Variants in ALDH5A1 observed in about 807,000 individuals in gnomAD.
ALDH5A1 encodes aldehyde dehydrogenase 5 family member A1, also known as succinate-semialdehyde dehydrogenase, mitochondrial.
In ALDH5A1, 33 loss-of-function variants were observed where a neutral mutation model predicts 54.7. That is an observed-to-expected ratio of 0.60 (90% CI 0.46 to 0.81). ALDH5A1 has a LOEUF of 0.81. Ranked by LOEUF, ALDH5A1 falls within the 30% of genes least tolerant of loss-of-function variation. The pLI, the probability that ALDH5A1 is intolerant of heterozygous loss-of-function variation, is 0.00. For missense variants in ALDH5A1, 657 were observed against 711.0 expected (o/e 0.92, Z 0.86); for synonymous variants, 294 against 292.7 (o/e 1.00, Z -0.05).
At chr6:24,498,962 T>C (rs929517330) in intron 1 of ALDH5A1, among the ~76,000 whole-genome samples, 1 of 151,482 alleles carries the variant, frequency 6.6e-6, no homozygotes, top group African/African-American at 2.4e-5. Flanking sequence ...CAGCTGGGCG[T>C]GGTGGTGGGC....
chr6:24,516,999 C>T (rs1759587672), intron 5 of ALDH5A1, among the ~76,000 whole-genome samples: 1 of 152,036 alleles, frequency 6.6e-6, no homozygotes, highest in Non-Finnish European at 1.5e-5. Context: ...CCATGAGAAG[C>T]AGGAGGGAAT....
chr6:24,528,122 G>A lies in ALDH5A1; in HGVS notation c.1299G>A (p.Leu433=). The part of the protein sequence containing the change: ...TLLCNVTQDM[L]CTHEETFGPL... ...TGTGCAATGTCACCCAGGACATGCT[G>A]TGCACTCATGAAGAGACTTTCGGGC... The change falls in exon 8 of 10, where the codon CTG becomes CTA. Residue 433 remains leucine (L), a synonymous_variant. Coordinates refer to ENST00000357578, the MANE Select transcript of ALDH5A1 (RefSeq NM_001080.3). 7 of 1,614,032 alleles carry A rather than the reference G, an allele frequency of 4.3e-6. No homozygotes were observed. The highest frequency in any genetic ancestry group is 5.9e-6 in the Non-Finnish European group (7 of 1,179,950).
intron 1 of ALDH5A1, among the ~76,000 whole-genome samples, chr6:24,498,774 T>G (rs1467251845): frequency 1.3e-5 from 2 of 151,792 alleles, no homozygotes; most frequent in Non-Finnish European, 2.9e-5. Context: ...GACCAGCCTG[T>G]CCAACATGGT....
chr6:24,502,202 T>C (rs146990766), intron 1 of ALDH5A1, among the ~76,000 whole-genome samples: 2 of 152,120 alleles, frequency 1.3e-5, no homozygotes, highest in Non-Finnish European at 2.9e-5. Flanking sequence ...AGAGAGTGAA[T>C]TTGCTCTTCC....
rs1759402042 is a variant in ALDH5A1, at chr6:24,508,395, TAGTCTCTA to T, written c.726+3412_726+3419del. Among the ~76,000 whole-genome samples the T allele has an allele frequency of 1.1e-4, 3 of 26,184 alleles. 1 individual carries two copies. Among genetic ancestry groups the T allele is most frequent in the Non-Finnish European group, 2.0e-4 (2 of 10,230 alleles). 17.2% of individuals were successfully genotyped at this position (26,184 alleles called of 152,430 possible). A position where few individuals can be genotyped will look rare whatever the true frequency, so the allele number is the denominator to read the frequency against. ...AAAAAAAAAAAAAAAAAAAGATTAATAGTCTCTAATCCTCTAATCTCATCCAGCCCACT... is the reference window on the plus strand; with the variant it reads ...AAAAAAAAAAAAAAAAAAAGATTAATATCCTCTAATCTCATCCAGCCCACT... On this transcript the variant is annotated intron_variant, in intron 4 of 9. Coordinates refer to ENST00000357578, the MANE Select transcript of ALDH5A1 (RefSeq NM_001080.3).
chr6:24,526,085 G>A (rs1376700624), intron 7 of ALDH5A1, among the ~76,000 whole-genome samples: 1 of 152,150 alleles, frequency 6.6e-6, no homozygotes, highest in Non-Finnish European at 1.5e-5. Context: ...CTGCAAGTTA[G>A]AATAAACCCA....
Position 24,508,463 on chromosome 6 carries a change from A to G in ALDH5A1, c.726+3478A>G, listed in dbSNP as rs142214944. Among the ~76,000 whole-genome samples, 702 of 150,468 alleles carry G rather than the reference A, an allele frequency of 4.7e-3. 6 individuals are homozygous for G. The highest frequency in any genetic ancestry group is 0.016 in the African/African-American group (665 of 40,860). ...ATTAATTCATTCCTTTTTATGGCTG[A>G]GTAGTATTCCATCCTATGTATAAAC... On this transcript the variant is annotated intron_variant, in intron 4 of 9. Transcript: ENST00000357578.
At chr6:24,497,955 G>C (rs915349749) in intron 1 of ALDH5A1, among the ~76,000 whole-genome samples, 7 of 152,196 alleles carry the variant, frequency 4.6e-5, no homozygotes, top group Admixed American at 3.3e-4. Context: ...GGATTTAGGT[G>C]GGAGGCCACG....
chr6:24,528,525 G>T (rs1459044521), intron 8 of ALDH5A1, among the ~76,000 whole-genome samples: 1 of 151,768 alleles, frequency 6.6e-6, no homozygotes, highest in Non-Finnish European at 1.5e-5. Flanking sequence ...ACCATACCAG[G>T]CTAATTTTTT....
intron 7 of ALDH5A1, among the ~76,000 whole-genome samples, chr6:24,525,299 T>G (rs1759779102): frequency 6.6e-6 from 1 of 152,142 alleles, no homozygotes; most frequent in African/African-American, 2.4e-5. Flanking sequence ...TAGTTGCAGG[T>G]GATGCACTAT....
chr6:24,502,612 T>C lies in ALDH5A1; in HGVS notation c.438+6T>C. On this transcript the variant is annotated splice_donor_region_variant and intron_variant, in intron 2 of 9. Transcript: ENST00000357578. ...GAATAATCACAGCTGAAAGTGTAAG[T>C]TCAGGGTTCTGGCTTGGTGCACTGA... 6.2e-7 allele frequency: 1 copy of C among 1,609,858 alleles called. No individual in the cohort carries two copies. The highest frequency in any genetic ancestry group is 8.5e-7 in the Non-Finnish European group (1 of 1,176,338).
chr6:24,496,244 G>A (rs527938394), intron 1 of ALDH5A1, among the ~76,000 whole-genome samples: 2 of 152,266 alleles, frequency 1.3e-5, no homozygotes, highest in East Asian at 3.9e-4. Flanking sequence ...AACGAAAGAA[G>A]GATTCTGCCC....
At chr6:24,504,789 C>A in intron 3 of ALDH5A1, 80 bp from the exon 4 acceptor site, 1 of 1,390,092 alleles carries the variant, frequency 7.2e-7, no homozygotes, top group Non-Finnish European at 1.0e-6. Context: ...AATTTGTTCA[C>A]TGACTTCCCA....
chr6:24,511,690 GCTAT>G (rs1342980375), intron 4 of ALDH5A1: 4 of 389,254 alleles, frequency 1.0e-5, no homozygotes, highest in Non-Finnish European at 1.8e-5. Flanking sequence ...TTTTATTTAT[GCTAT>G]CTATTTCATT....
chr6:24,511,575 G>A (rs1191522723), intron 4 of ALDH5A1, among the ~76,000 whole-genome samples: 1 of 151,842 alleles, frequency 6.6e-6, no homozygotes, highest in Non-Finnish European at 1.5e-5. Flanking sequence ...TTGTCTTTGA[G>A]CTTTGACGTT....
chr6:24,519,209 A>G (rs1414665729), intron 5 of ALDH5A1, among the ~76,000 whole-genome samples: 6 of 151,982 alleles, frequency 3.9e-5, no homozygotes, highest in African/African-American at 1.5e-4. Flanking sequence ...TGTCCAACAG[A>G]TGGGGCCTGA....
At chr6:24,510,562 CTCTG>C (rs1245171341) in intron 4 of ALDH5A1, among the ~76,000 whole-genome samples, 2 of 152,148 alleles carry the variant, frequency 1.3e-5, no homozygotes, top group East Asian at 1.9e-4. Context: ...TAATGTCCCT[CTCTG>C]TCTTTTTTAA....
chr6:24,495,114 G>T lies in ALDH5A1; in HGVS notation c.118G>T (p.Gly40Cys). ...GGTCCCTGCCTCCGGGCCTGCGCCC[G>T]GCCCGGCCCAGCTCCGCTGCTACGC... The part of the protein sequence containing the change: ...GLVPASGPAP[G>C]PAQLRCYAGR... The change falls in exon 1 of 10, where the codon GGC becomes TGC. Residue 40 changes from glycine to cysteine, a missense_variant. Gly to Cys is a radical substitution (Grantham distance 159, BLOSUM62 -3). Coordinates refer to ENST00000357578, the MANE Select transcript of ALDH5A1 (RefSeq NM_001080.3). The T allele has an allele frequency of 7.6e-7, 1 of 1,311,938 alleles. No individual in the cohort carries two copies. Among genetic ancestry groups the T allele is most frequent in the Non-Finnish European group, 9.6e-7 (1 of 1,039,062 alleles). 81.3% of individuals were successfully genotyped at this position (1,311,938 alleles called of 1,614,324 possible). A position where few individuals can be genotyped will look rare whatever the true frequency, so the allele number is the denominator to read the frequency against.
intron 4 of ALDH5A1, 104 bp downstream of exon 4, chr6:24,505,089 C>A: frequency 1.8e-6 from 2 of 1,113,850 alleles, no homozygotes. Context: ...TTTGCTTACG[C>A]CTCCTGATGC....
Sources: gnomAD v4.1 joint callset for allele counts (sites outside exome capture counted in the v4.1 genomes callset) on GRCh38, gnomAD v4.1.1 for gene constraint, MANE v1.5 for transcripts, NCBI Gene and HGNC (gene_info 2026-07-23, HGNC 2026-07-21) for gene names.